BCAS3: variants seen among roughly 807,000 people sequenced by gnomAD.
The protein encoded by BCAS3 is BCAS3 microtubule associated cell migration factor.
A neutral mutation model predicts 116.1 loss-of-function variants in BCAS3; 53 were observed. The ratio of observed to expected loss-of-function variants is 0.46; its 90% CI spans 0.37 to 0.57. The LOEUF (loss-of-function observed/expected upper bound fraction) is 0.57, where lower values mean the gene tolerates loss of function less well. BCAS3 is among the 20% of genes least tolerant of loss of function. BCAS3 has a pLI of 0.00. For synonymous variants in BCAS3, 391 were observed against 408.2 expected (o/e 0.96, Z 0.51); for missense variants, 917 against 1,165.4 (o/e 0.79, Z 3.10).
chr17:61,362,995 C>G lies in BCAS3; in HGVS notation c.2426-5332C>G, dbSNP rs368064271. On this transcript the variant is annotated intron_variant, in intron 22 of 23. Coordinates refer to ENST00000407086, the MANE Select transcript of BCAS3 (RefSeq NM_017679.5). This position sits in a 1 kb window ranked among gnomAD's most constrained non-coding sequence, Gnocchi z 4.4. The stretch of plus-strand genomic sequence containing the variant: ...CTGACTGTCAAATTTCATAAGTAGT[C>G]AATAAACGAACCTGTTTTGAGCAAG... Among the ~76,000 whole-genome samples the G allele has an allele frequency of 1.3e-5, 2 of 152,182 alleles. No individual in the cohort carries two copies. The highest frequency in any genetic ancestry group is 4.2e-4 in the South Asian group (2 of 4,818).
Position 61,056,177 on chromosome 17 carries a change from T to G in BCAS3, c.2029+15285T>G, listed in dbSNP as rs897690559. Among the ~76,000 whole-genome samples the G allele has an allele frequency of 6.6e-6, 1 of 152,176 alleles. No homozygotes were observed. Among genetic ancestry groups the G allele is most frequent in the African/African-American group, 2.4e-5 (1 of 41,456 alleles). The stretch of plus-strand genomic sequence containing the variant: ...TCCAGCTCCAAGTGTATAGACAGAC[T>G]TGGGAAGAGATGGAGATAGAAATTG... On this transcript the variant is annotated intron_variant, in intron 19 of 23. Transcript: ENST00000407086. The surrounding 1 kb of genome is among the most constrained non-coding windows in gnomAD (Gnocchi z 4.9).
intron 4 of BCAS3, among the ~76,000 whole-genome samples, chr17:60,690,231 A>G (rs1036822493): frequency 6.6e-5 from 10 of 152,116 alleles, no homozygotes; most frequent in Non-Finnish European, 5.9e-5. Context: ...AGTGTCCTCA[A>G]CGTTCATCTA....
intron 5 of BCAS3, among the ~76,000 whole-genome samples, chr17:60,729,601 C>G (rs993010889): frequency 6.6e-6 from 1 of 152,086 alleles, no homozygotes; most frequent in Non-Finnish European, 1.5e-5. Context: ...TTTTAGACTT[C>G]TATTTAATAT....
intron 22 of BCAS3, among the ~76,000 whole-genome samples, chr17:61,342,784 C>T (rs1289359915): frequency 6.6e-6 from 1 of 150,816 alleles, no homozygotes; most frequent in East Asian, 1.9e-4. Context: ...TAAAGTCTCC[C>T]TCTGTAGCCC....
At chr17:61,149,235 G>A (rs2077410752) in intron 22 of BCAS3, among the ~76,000 whole-genome samples, 2 of 152,044 alleles carry the variant, frequency 1.3e-5, no homozygotes, top group Admixed American at 1.3e-4. Flanking sequence ...AGGAGTTAAT[G>A]CACCTCCACA....
intron 7 of BCAS3, among the ~76,000 whole-genome samples, chr17:60,850,345 G>GT (rs10573405): frequency 0.024 from 903 of 37,714 alleles, 262 homozygotes; most frequent in Non-Finnish European, 0.028. Context: ...TGGCACCACT[G>GT]TTTTTTTTTT....
At chr17:60,722,882 T>C (rs1255916558) in intron 5 of BCAS3, among the ~76,000 whole-genome samples, 1 of 151,840 alleles carries the variant, frequency 6.6e-6, no homozygotes, top group Non-Finnish European at 1.5e-5. Context: ...CTGGGCAACA[T>C]AGACCCTGTC....
chr17:61,070,150 A>G (rs767797574), intron 19 of BCAS3: 2 of 1,568,388 alleles, frequency 1.3e-6, no homozygotes, highest in African/African-American at 2.7e-5. Context: ...AGAAGACAAC[A>G]ACACACTTGT....
Position 61,376,112 on chromosome 17 carries a change from G to T in BCAS3, c.2593+7618G>T, listed in dbSNP as rs531297345. ...ATGCATCCTACTGGCCCAACTCATT[G>T]CAAGGCCATGGAAATAGGAACTGAC... On this transcript the variant is annotated intron_variant, in intron 23 of 23. Transcript: ENST00000407086. This position sits in a 1 kb window ranked among gnomAD's most constrained non-coding sequence, Gnocchi z 4.5. Among the ~76,000 whole-genome samples the T allele has an allele frequency of 6.6e-6, 1 of 152,282 alleles. No individual in the cohort carries two copies. Among genetic ancestry groups the T allele is most frequent in the Admixed American group, 6.5e-5 (1 of 15,296 alleles).
intron 22 of BCAS3, among the ~76,000 whole-genome samples, chr17:61,094,980 A>G (rs1428943643): frequency 6.6e-6 from 1 of 152,270 alleles, no homozygotes; most frequent in Non-Finnish European, 1.5e-5. Context: ...CTACAAAATC[A>G]TGCAAGAGTA....
At chr17:61,176,138 CAAAAAAAAAAAAA>C (rs534042215) in intron 22 of BCAS3, among the ~76,000 whole-genome samples, 3 of 50,040 alleles carry the variant, frequency 6.0e-5, no homozygotes, top group South Asian at 1.8e-3. Context: ...GACCCTATCT[CAAAAAAAAAAAAA>C]AAAAAAAAAA....
intron 11 of BCAS3, among the ~76,000 whole-genome samples, chr17:60,903,723 G>A (rs1036637346): frequency 6.6e-6 from 1 of 152,116 alleles, no homozygotes; most frequent in African/African-American, 2.4e-5. Flanking sequence ...GTGCATCACC[G>A]CACCCAGCAA....
intron 6 of BCAS3, among the ~76,000 whole-genome samples, chr17:60,791,460 C>T (rs533235353): frequency 6.6e-6 from 1 of 152,160 alleles, no homozygotes; most frequent in South Asian, 2.1e-4. Context: ...TTAAGACTAG[C>T]CTGGGCACAG....
chr17:60,889,874 T>C (rs2057016661), intron 10 of BCAS3, 103 bp downstream of exon 10: 1 of 1,024,502 alleles, frequency 9.8e-7, no homozygotes. Context: ...ATAATAAATG[T>C]TTTACTTACT....
chr17:61,220,810 G>A lies in BCAS3; in HGVS notation c.2425+136246G>A, dbSNP rs2082064297. 6.6e-6 allele frequency among the ~76,000 whole-genome samples: 1 copy of A among 152,100 alleles called. No individual in the cohort carries two copies. The highest frequency in any genetic ancestry group is 6.5e-5 in the Admixed American group (1 of 15,278). Reference sequence around the variant, plus strand: ...AAGATGTCTGTGTTCCACCTAGAAAGTGTAGTTCGGCTGGGCGCGGTGGCT... The same window carrying A: ...AAGATGTCTGTGTTCCACCTAGAAAATGTAGTTCGGCTGGGCGCGGTGGCT... On this transcript the variant is annotated intron_variant, in intron 22 of 23. Transcript: ENST00000407086. This position sits in a 1 kb window ranked among gnomAD's most constrained non-coding sequence, Gnocchi z 4.5.
intron 22 of BCAS3, among the ~76,000 whole-genome samples, chr17:61,176,141 A>AAG (rs2079123522): frequency 6.9e-6 from 1 of 144,034 alleles, no homozygotes; most frequent in Admixed American, 6.8e-5. Flanking sequence ...CCTATCTCAA[A>AAG]AAAAAAAAAA....
chr17:61,278,274 C>A lies in BCAS3; in HGVS notation c.2426-90053C>A, dbSNP rs1029329628. Among the ~76,000 whole-genome samples the A allele has an allele frequency of 1.3e-5, 2 of 152,186 alleles. No individual in the cohort carries two copies. Among genetic ancestry groups the A allele is most frequent in the African/African-American group, 2.4e-5 (1 of 41,452 alleles). ...GCCAGGCTGGTCTTGAACTCCTGAC[C>A]TTGTGATCCGCCTGCCTCGGCCTCT... is the stretch of plus-strand genomic sequence containing the variant. On this transcript the variant is annotated intron_variant, in intron 22 of 23. Transcript: ENST00000407086. The surrounding 1 kb of genome is among the most constrained non-coding windows in gnomAD (Gnocchi z 5.8).
chr17:61,061,387 C>T (rs188768269), intron 19 of BCAS3, among the ~76,000 whole-genome samples: 1 of 152,288 alleles, frequency 6.6e-6, no homozygotes. Context: ...ACATCACCCC[C>T]CATCCTCGCC....
At chr17:60,863,273 A>T (rs544136759) in intron 7 of BCAS3, among the ~76,000 whole-genome samples, 5 of 152,192 alleles carry the variant, frequency 3.3e-5, no homozygotes, top group African/African-American at 1.2e-4. Context: ...GTGTATGCCT[A>T]TACCAGTACC....
Sources: allele counts gnomAD v4.1 joint callset (sites outside exome capture counted in the v4.1 genomes callset), GRCh38; gene constraint gnomAD v4.1.1; non-coding constraint Gnocchi (gnomAD v3.1); transcripts MANE v1.5; gene names NCBI Gene and HGNC (gene_info 2026-07-23, HGNC 2026-07-21).